The following LIPA variants were observed in gnomAD, a reference collection of about 807,000 sequenced individuals.
LIPA encodes the protein lysosomal acid lipase/cholesteryl ester hydrolase.
LIPA carries 26 observed loss-of-function variants against 40.6 expected under a neutral mutation model. The ratio of observed to expected loss-of-function variants is 0.64; its 90% CI spans 0.47 to 0.89. LIPA has a LOEUF of 0.89. Among genes scored for constraint, LIPA ranks in the 40% least tolerant of loss-of-function variants. The pLI, the probability that LIPA is intolerant of heterozygous loss-of-function variation, is 0.00. For missense variants in LIPA, 455 were observed against 479.6 expected, an observed-to-expected ratio of 0.95 and a Z score of 0.48; for synonymous variants, 188 against 168.4, an observed-to-expected ratio of 1.12 and a Z score of -0.90.
At chr10:89,290,181 G>T (rs950579458) in intron 1 of LIPA, among the ~76,000 whole-genome samples, 1 of 152,048 alleles carries the variant, frequency 6.6e-6, no homozygotes, top group African/African-American at 2.4e-5. Flanking sequence ...GATGTCCTGG[G>T]TCCTCCCAAT....
intron 2 of LIPA, among the ~76,000 whole-genome samples, chr10:89,387,336 AT>A (rs1356348327): frequency 6.6e-6 from 1 of 151,302 alleles, no homozygotes; most frequent in African/African-American, 2.4e-5. Flanking sequence ...AAAAAAAAAA[AT>A]CTATTTTAAC....
At chr10:89,252,502 C>CA (rs1301167640), upstream of LIPA, among the ~76,000 whole-genome samples, 17 of 147,136 alleles carry the variant, frequency 1.2e-4, no homozygotes, top group African/African-American at 3.9e-4. Flanking sequence ...AACAAACAAA[C>CA]AACAACAACA....
chr10:89,408,778 T>A (rs1227834785), intron 2 of LIPA, among the ~76,000 whole-genome samples: 1 of 152,194 alleles, frequency 6.6e-6, no homozygotes, highest in East Asian at 1.9e-4. Flanking sequence ...ATGAAAAGAA[T>A]GTGGCTTTAG....
At chr10:89,262,470 G>A (rs538876315) in intron 1 of LIPA, among the ~76,000 whole-genome samples, 1 of 152,314 alleles carries the variant, frequency 6.6e-6, no homozygotes, top group South Asian at 2.1e-4. Flanking sequence ...AGCACAATGA[G>A]CAAAGGGTCA....
At chr10:89,223,350 A>AT in intron 7 of LIPA, among the ~76,000 whole-genome samples, 1 of 152,164 alleles carries the variant, frequency 6.6e-6, no homozygotes, top group South Asian at 2.1e-4. Context: ...CCCACTGTCT[A>AT]TTGTTCCCAT....
chr10:89,225,095 A>C lies in LIPA; in HGVS notation c.672T>G (p.Ile224Met). The C allele has an allele frequency of 6.2e-7, 1 of 1,614,082 alleles. No homozygotes were observed. The highest frequency in any genetic ancestry group is 8.5e-7 in the Non-Finnish European group (1 of 1,180,030). ...AKLGRLPDHL[I>M]KDLFGDKEFL... ...GGGATGGGAGGGGTCCAAGTACCTT[A>C]ATGAGATGATCTGGTAATCGTCCTA... The change falls in exon 6 of 10, where the codon ATT becomes ATG. Residue 224 changes from isoleucine to methionine, a missense_variant. Coordinates refer to ENST00000336233, the MANE Select transcript of LIPA (RefSeq NM_000235.4).
chr10:89,213,944 G>A lies in LIPA; in HGVS notation c.*884C>T, dbSNP rs544783488. The stretch of plus-strand genomic sequence containing the variant: ...AAGGACACTTCTCATGGGCAACCAC[G>A]GGGCTTTGGCTTCACACAGATGTGA... On this transcript the variant is annotated 3_prime_UTR_variant, in exon 10 of 10. Transcript: ENST00000336233. 2 of 152,280 alleles carry A rather than the reference G, an allele frequency of 1.3e-5. No homozygotes were observed. Among genetic ancestry groups the A allele is most frequent in the Admixed American group, 1.3e-4 (2 of 15,300 alleles). The allele number at this position is 152,280 out of a possible 1,614,324, so 9.4% of individuals were successfully genotyped here.
intron 2 of LIPA, among the ~76,000 whole-genome samples, chr10:89,394,694 A>T (rs998844502): frequency 6.7e-6 from 1 of 150,188 alleles, no homozygotes; most frequent in Non-Finnish European, 1.5e-5. Context: ...GTAAAATAAA[A>T]TTTATCATTT....
At chr10:89,307,048 G>A in intron 1 of LIPA, 2 of 1,614,000 alleles carry the variant, frequency 1.2e-6, no homozygotes, top group Non-Finnish European at 1.7e-6. Flanking sequence ...TCAGTAAAGA[G>A]CTTACTCCTG....
At chr10:89,344,104 C>G (rs547542183), upstream of LIPA, among the ~76,000 whole-genome samples, 1 of 152,248 alleles carries the variant, frequency 6.6e-6, no homozygotes, top group Non-Finnish European at 1.5e-5. Flanking sequence ...TTATACCTCA[C>G]AGAAGATTAA....
chr10:89,291,012 T>C (rs1233636101), intron 1 of LIPA, among the ~76,000 whole-genome samples: 2 of 152,220 alleles, frequency 1.3e-5, no homozygotes, highest in African/African-American at 4.8e-5. Context: ...CTGATATTAT[T>C]ACAATTTTTC....
intron 8 of LIPA, among the ~76,000 whole-genome samples, chr10:89,220,672 G>A (rs1564751118): frequency 6.6e-6 from 1 of 152,114 alleles, no homozygotes; most frequent in Non-Finnish European, 1.5e-5. Context: ...CAGCCTTCTA[G>A]TTACTATAAA....
At chr10:89,241,556 A>G (rs1842964998) in intron 3 of LIPA, among the ~76,000 whole-genome samples, 1 of 152,212 alleles carries the variant, frequency 6.6e-6, no homozygotes, top group Non-Finnish European at 1.5e-5. Context: ...TAAACAATCA[A>G]AGCAAAATAC....
intron 1 of LIPA, among the ~76,000 whole-genome samples, chr10:89,283,348 A>G (rs915570562): frequency 2.6e-5 from 4 of 152,158 alleles, no homozygotes; most frequent in East Asian, 1.9e-4. Context: ...CTCTGAGGCC[A>G]CTCTGGCTCG....
upstream of LIPA, among the ~76,000 whole-genome samples, chr10:89,344,606 C>T (rs1009581125): frequency 7.5e-6 from 1 of 133,130 alleles, no homozygotes; most frequent in Non-Finnish European, 1.6e-5. Context: ...ACTATCCATG[C>T]GGCAAGAAAA....
intron 1 of LIPA, among the ~76,000 whole-genome samples, chr10:89,288,792 G>T (rs1843354999): frequency 6.6e-6 from 1 of 152,034 alleles, no homozygotes; most frequent in African/African-American, 2.4e-5. Context: ...CTTAACTCGG[G>T]CCCTCACTCT....
chr10:89,338,659 A>T (rs1295782982), intron 1 of LIPA: 3 of 1,608,712 alleles, frequency 1.9e-6, no homozygotes, highest in Non-Finnish European at 2.5e-6. Context: ...TTTTCTCCAC[A>T]GTGAGGTCAC....
At chr10:89,356,863 G>T (rs1305912916) in intron 2 of LIPA, among the ~76,000 whole-genome samples, 3 of 152,174 alleles carry the variant, frequency 2.0e-5, no homozygotes, top group Admixed American at 6.5e-5. Flanking sequence ...TGCTTGAGGG[G>T]TTTTTATGGA....
At chr10:89,366,933 C>T (rs1374194656) in intron 2 of LIPA, among the ~76,000 whole-genome samples, 1 of 152,158 alleles carries the variant, frequency 6.6e-6, no homozygotes, top group African/African-American at 2.4e-5. Context: ...TCCAAATGTC[C>T]ATCAATGATA....
Sources: allele counts gnomAD v4.1 joint callset (sites outside exome capture counted in the v4.1 genomes callset), GRCh38; gene constraint gnomAD v4.1.1; transcripts MANE v1.5; gene names NCBI Gene and HGNC (gene_info 2026-07-23, HGNC 2026-07-21).